The following OSBPL10 variants were observed in gnomAD, a reference collection of about 807,000 sequenced individuals.
OSBPL10 encodes the protein oxysterol-binding protein-related protein 10.
A neutral mutation model predicts 81.7 loss-of-function variants in OSBPL10; 49 were observed. The ratio of observed to expected loss-of-function variants is 0.60; its 90% confidence interval spans 0.48 to 0.76. The LOEUF (loss-of-function observed/expected upper bound fraction) is 0.76, where lower values mean the gene tolerates loss of function less well. Ranked by LOEUF, OSBPL10 falls within the 30% of genes least tolerant of loss-of-function variation. The probability of loss-of-function intolerance (pLI) is 0.00; values close to 1 mark genes in which losing one functional copy is unlikely to be tolerated. For synonymous variants in OSBPL10, 419 were observed against 383.6 expected (o/e 1.09, Z -1.08); for missense variants, 923 against 987.8 (o/e 0.93, Z 0.88).
chr3:32,015,282 A>T (rs1486212621), intron 2 of OSBPL10, among the ~76,000 whole-genome samples: 1 of 152,196 alleles, frequency 6.6e-6, no homozygotes, highest in Non-Finnish European at 1.5e-5. Context: ...AGCCCTCAGA[A>T]ATAATGCCAC....
chr3:32,033,917 G>C (rs758973686), intron 2 of OSBPL10, among the ~76,000 whole-genome samples: 10 of 152,150 alleles, frequency 6.6e-5, no homozygotes, highest in Non-Finnish European at 1.5e-4. Context: ...CTGTTATGAA[G>C]AAATATCCAA....
chr3:31,662,277 T>G, intron 11 of OSBPL10, 161 bp from the exon 12 acceptor site: 1 of 1,401,440 alleles, frequency 7.1e-7, no homozygotes, highest in Non-Finnish European at 9.3e-7. Context: ...CAGCTGCTCT[T>G]TGGAGATCTA....
At chr3:31,953,215 GA>G (rs1697919013) in intron 1 of OSBPL10, among the ~76,000 whole-genome samples, 1 of 152,070 alleles carries the variant, frequency 6.6e-6, no homozygotes, top group South Asian at 2.1e-4. Flanking sequence ...TTACAGGCGT[GA>G]GCCAGCGCGC....
At chr3:32,026,020 A>T (rs1699403187) in intron 2 of OSBPL10, among the ~76,000 whole-genome samples, 1 of 117,858 alleles carries the variant, frequency 8.5e-6, no homozygotes, top group South Asian at 3.0e-4. Flanking sequence ...ACATAGATAG[A>T]TAGATAGATA....
At chr3:31,662,664 G>T (rs1700095749) in intron 11 of OSBPL10, 2 of 985,678 alleles carry the variant, frequency 2.0e-6, no homozygotes, top group Non-Finnish European at 2.4e-6. Flanking sequence ...CTGAATAACT[G>T]TGCTGGTGTT....
chr3:31,995,830 G>A (rs1224580210), intron 2 of OSBPL10, among the ~76,000 whole-genome samples: 2 of 152,184 alleles, frequency 1.3e-5, no homozygotes, highest in East Asian at 3.9e-4. Flanking sequence ...AAGAGCCACA[G>A]GAAGTCCCTA....
intron 4 of OSBPL10, among the ~76,000 whole-genome samples, chr3:31,787,158 AC>A (rs1228957572): frequency 6.6e-6 from 1 of 152,168 alleles, no homozygotes; most frequent in East Asian, 1.9e-4. Context: ...ATGATTTACT[AC>A]TTCTCGAAGG....
chr3:32,038,932 GACTGTT>G (rs1169385528), intron 2 of OSBPL10, among the ~76,000 whole-genome samples: 1 of 152,058 alleles, frequency 6.6e-6, no homozygotes, highest in Non-Finnish European at 1.5e-5. Flanking sequence ...TGGACTAAAA[GACTGTT>G]ACAAGTCAAG....
chr3:31,732,856 C>CA, intron 6 of OSBPL10: 1 of 245,246 alleles, frequency 4.1e-6, no homozygotes, highest in South Asian at 4.8e-5. Flanking sequence ...AGGAGTCGAG[C>CA]ATGTGAGGCA....
chr3:31,697,178 G>A (rs928702520), intron 7 of OSBPL10, among the ~76,000 whole-genome samples: 21 of 152,190 alleles, frequency 1.4e-4, no homozygotes, highest in African/African-American at 5.1e-4. Context: ...CCCCTTAGAA[G>A]CCTTGAGCTG....
chr3:31,972,650 A>C (rs984391873), intron 1 of OSBPL10, among the ~76,000 whole-genome samples: 1 of 152,090 alleles, frequency 6.6e-6, no homozygotes, highest in Non-Finnish European at 1.5e-5. Flanking sequence ...TTTCCAAAAA[A>C]CGTCCAATCC....
At chr3:31,779,519 C>T (rs1380187040) in intron 4 of OSBPL10, among the ~76,000 whole-genome samples, 1 of 152,084 alleles carries the variant, frequency 6.6e-6, no homozygotes, top group Admixed American at 6.6e-5. Flanking sequence ...AAATCGCAAC[C>T]CTAAATATAT....
At chr3:31,858,175 A>G (rs911906667) in intron 3 of OSBPL10, among the ~76,000 whole-genome samples, 2 of 151,488 alleles carry the variant, frequency 1.3e-5, no homozygotes, top group African/African-American at 2.4e-5. Context: ...TAATTTTTTT[A>G]TATTTCTGTA....
chr3:31,754,039 C>T (rs1425105150), intron 4 of OSBPL10, among the ~76,000 whole-genome samples: 2 of 152,198 alleles, frequency 1.3e-5, no homozygotes, highest in Admixed American at 1.3e-4. Context: ...CACACCTGAA[C>T]AATTTTGTCT....
intron 5 of OSBPL10, among the ~76,000 whole-genome samples, chr3:31,742,415 A>C (rs2125685973): frequency 6.7e-6 from 1 of 148,544 alleles, no homozygotes; most frequent in East Asian, 2.0e-4. Flanking sequence ...AGTTATTGCA[A>C]GGATGAGTTA....
chr3:31,743,221 A>C (rs937709518), intron 5 of OSBPL10, among the ~76,000 whole-genome samples: 1 of 151,812 alleles, frequency 6.6e-6, no homozygotes, highest in African/African-American at 2.4e-5. Context: ...TTGTATCTTT[A>C]GTAGAGATGT....
rs1393654523 is a variant in OSBPL10 at position 31,662,091 on chromosome 3, G to A, written c.2276C>T (p.Pro759Leu). ...QEGDGWVYFN[P>L]LWKAH is the part of the protein sequence containing the mutation. ...ACCCCATCAGTGTGCTTTCCAGAGG[G>A]GATTGAAGTATACCCAGCCATCGCC... Residue 759 changes from proline to leucine, a missense_variant, in exon 12 of 12, where the codon CCC becomes CTC. Pro to Leu is a moderately conservative substitution (Grantham distance 98, BLOSUM62 -3). Coordinates refer to ENST00000396556, the MANE Select transcript of OSBPL10 (RefSeq NM_017784.5). 1.1e-5 allele frequency: 18 copies of A among 1,613,868 alleles called. No individual in the cohort carries two copies. In the Admixed American group the frequency reaches 3.0e-4, roughly 27 times the overall value.
At chr3:31,717,921 A>G (rs1696501599) in intron 6 of OSBPL10, among the ~76,000 whole-genome samples, 1 of 152,202 alleles carries the variant, frequency 6.6e-6, no homozygotes, top group Admixed American at 6.5e-5. Context: ...AATTTGTGAG[A>G]CAGCTGTAAT....
chr3:31,785,643 T>C (rs1224586511), intron 4 of OSBPL10, among the ~76,000 whole-genome samples: 2 of 152,160 alleles, frequency 1.3e-5, no homozygotes, highest in Admixed American at 1.3e-4. Context: ...GCCGTTTTTT[T>C]TTCTTTTCAT....
Sources: gnomAD v4.1 joint callset for allele counts (sites outside exome capture counted in the v4.1 genomes callset) on GRCh38, gnomAD v4.1.1 for gene constraint, MANE v1.5 for transcripts, NCBI Gene and HGNC (gene_info 2026-07-23, HGNC 2026-07-21) for gene names.